Variants in NRG3 observed in about 807,000 individuals in gnomAD.
The protein encoded by NRG3 is pro-neuregulin-3, membrane-bound isoform.
In NRG3, 31 loss-of-function variants were observed where a neutral mutation model predicts 66.9. The ratio of observed to expected loss-of-function variants is 0.46; its 90% confidence interval spans 0.35 to 0.63. The LOEUF is 0.63. Among genes scored for constraint, NRG3 ranks in the 20% least tolerant of loss-of-function variants. The probability of loss-of-function intolerance (pLI) is 0.00; values close to 1 mark genes in which losing one functional copy is unlikely to be tolerated. For missense variants in NRG3, 910 were observed against 878.9 expected, an observed-to-expected ratio of 1.04 and a Z score of -0.45; for synonymous variants, 393 against 359.4, an observed-to-expected ratio of 1.09 and a Z score of -1.06.
intron 4 of NRG3, among the ~76,000 whole-genome samples, chr10:82,898,896 A>C (rs11196374): frequency 0.11 from 16,319 of 151,676 alleles, 943 homozygotes; most frequent in Middle Eastern, 0.15. Context: ...TATTTTTAGT[A>C]GAGACAAAGT....
At chr10:81,904,007 TTG>T (rs1344408280) in intron 1 of NRG3, among the ~76,000 whole-genome samples, 15 of 149,160 alleles carry the variant, frequency 1.0e-4, no homozygotes, top group South Asian at 4.3e-4. Flanking sequence ...TTTTTTTTTT[TTG>T]TTTGTTTGTT....
intron 3 of NRG3, among the ~76,000 whole-genome samples, chr10:82,766,288 C>A (rs1405687105): frequency 6.6e-6 from 1 of 152,138 alleles, no homozygotes; most frequent in Non-Finnish European, 1.5e-5. Flanking sequence ...CAGGTTTTCT[C>A]TTGGCTCTTA....
chr10:82,457,786 G>C (rs1441127177), intron 2 of NRG3, among the ~76,000 whole-genome samples: 1 of 152,196 alleles, frequency 6.6e-6, no homozygotes, highest in African/African-American at 2.4e-5. Flanking sequence ...GGTTACCGCT[G>C]CCTTGTGGAA....
chr10:82,090,431 T>G (rs1798438699), intron 1 of NRG3, among the ~76,000 whole-genome samples: 1 of 152,236 alleles, frequency 6.6e-6, no homozygotes, highest in South Asian at 2.1e-4. Context: ...ATATGTTGAT[T>G]AAGAATAAAT....
At chr10:82,264,459 A>C (rs2078196560) in intron 1 of NRG3, among the ~76,000 whole-genome samples, 1 of 151,938 alleles carries the variant, frequency 6.6e-6, no homozygotes, top group African/African-American at 2.4e-5. Context: ...TGCCCTTGAC[A>C]CATGGGGATT....
rs372979711 is a variant in NRG3, at chr10:82,300,541, G to T, written c.824-58198G>T. On this transcript the variant is annotated intron_variant, in intron 1 of 8. Coordinates refer to ENST00000372141, the MANE Select transcript of NRG3 (RefSeq NM_001010848.4). The stretch of plus-strand genomic sequence containing the variant: ...ACTATCGGGAAAGAACTAGTGAATT[G>T]GTTCGAGGCATAGCTAAGAAAAGAA... 7.2e-5 allele frequency among the ~76,000 whole-genome samples: 11 copies of T among 152,216 alleles called. 1 individual carries two copies. Among genetic ancestry groups the T allele is most frequent in the African/African-American group, 2.4e-4 (10 of 41,548 alleles).
At chr10:82,135,187 T>C (rs2069241184) in intron 1 of NRG3, among the ~76,000 whole-genome samples, 1 of 152,090 alleles carries the variant, frequency 6.6e-6, no homozygotes, top group East Asian at 1.9e-4. Context: ...TTATAGGGTT[T>C]CCACTGAGAA....
intron 2 of NRG3, among the ~76,000 whole-genome samples, chr10:82,699,918 A>C (rs76708239): frequency 6.6e-6 from 1 of 151,968 alleles, no homozygotes; most frequent in Non-Finnish European, 1.5e-5. Flanking sequence ...AACATACACT[A>C]TGAGTGCATA....
intron 4 of NRG3, among the ~76,000 whole-genome samples, chr10:82,949,567 G>A (rs747211864): frequency 1.7e-4 from 26 of 152,028 alleles, no homozygotes; most frequent in Non-Finnish European, 3.8e-4. Flanking sequence ...CTTAAATAGA[G>A]ATCCTGGCTG....
At chr10:82,025,364 T>C (rs1290457833) in intron 1 of NRG3, among the ~76,000 whole-genome samples, 1 of 151,650 alleles carries the variant, frequency 6.6e-6, no homozygotes, top group Non-Finnish European at 1.5e-5. Flanking sequence ...TTGTAGTGTA[T>C]ATGTTTTAGT....
chr10:82,069,797 TAA>T (rs2064700571), intron 1 of NRG3, among the ~76,000 whole-genome samples: 2 of 152,182 alleles, frequency 1.3e-5, no homozygotes, highest in Admixed American at 1.3e-4. Flanking sequence ...TCTGGTAAAT[TAA>T]TTGGTACAAA....
rs1169603406 is a variant in NRG3, at chr10:82,026,961, T to A, written c.823+150798T>A. On this transcript the variant is annotated intron_variant, in intron 1 of 8. Coordinates refer to ENST00000372141, the MANE Select transcript of NRG3 (RefSeq NM_001010848.4). ...TTGCTTGCCTTAATGATAATAATGC[T>A]CTAATCTAATTATCAATCACCTGTT... is the stretch of plus-strand genomic sequence containing the variant. 2.0e-5 allele frequency among the ~76,000 whole-genome samples: 3 copies of A among 152,058 alleles called. No homozygotes were observed. The South Asian group carries it at 6.2e-4, about 31-fold the overall frequency.
At chr10:82,933,957 A>G (rs974865083) in intron 4 of NRG3, among the ~76,000 whole-genome samples, 4 of 152,164 alleles carry the variant, frequency 2.6e-5, no homozygotes, top group Admixed American at 6.5e-5. Flanking sequence ...TGGAATCCCA[A>G]AAAAGGAGGT....
intron 2 of NRG3, among the ~76,000 whole-genome samples, chr10:82,378,859 C>T (rs2085431490): frequency 6.6e-6 from 1 of 152,126 alleles, no homozygotes; most frequent in Non-Finnish European, 1.5e-5. Flanking sequence ...GCATGAGCCG[C>T]CGCGCCTGGC....
intron 4 of NRG3, among the ~76,000 whole-genome samples, chr10:82,928,556 A>T (rs1216250097): frequency 1.3e-5 from 2 of 150,498 alleles, no homozygotes; most frequent in African/African-American, 4.9e-5. Context: ...TTTTCTGCAT[A>T]TGGCTAGCCA....
chr10:82,718,605 A>AT (rs1378702396), intron 2 of NRG3, among the ~76,000 whole-genome samples: 1 of 152,120 alleles, frequency 6.6e-6, no homozygotes, highest in Non-Finnish European at 1.5e-5. Flanking sequence ...CCAAATCTCC[A>AT]TTTTCCATAT....
intron 2 of NRG3, among the ~76,000 whole-genome samples, chr10:82,397,212 C>T: frequency 6.6e-6 from 1 of 152,196 alleles, no homozygotes; most frequent in East Asian, 1.9e-4. Flanking sequence ...AATGTCTAGA[C>T]TCCTAAGACT....
chr10:81,935,333 A>G (rs1847759484), intron 1 of NRG3, among the ~76,000 whole-genome samples: 1 of 152,194 alleles, frequency 6.6e-6, no homozygotes, highest in Non-Finnish European at 1.5e-5. Context: ...TTCTGTCATT[A>G]TATGAATAAT....
intron 1 of NRG3, among the ~76,000 whole-genome samples, chr10:82,005,845 A>C (rs1454335251): frequency 6.6e-6 from 1 of 152,046 alleles, no homozygotes; most frequent in African/African-American, 2.4e-5. Flanking sequence ...ACACTGGTGA[A>C]TAAGACAATA....
Sources: allele counts gnomAD v4.1 joint callset (sites outside exome capture counted in the v4.1 genomes callset), GRCh38; gene constraint gnomAD v4.1.1; transcripts MANE v1.5; gene names NCBI Gene and HGNC (gene_info 2026-07-23, HGNC 2026-07-21).